The following TET1 variants were observed in gnomAD, a reference collection of about 807,000 sequenced individuals.
TET1 encodes the protein methylcytosine dioxygenase TET1.
TET1 carries 13 observed loss-of-function variants against 148.7 expected under a neutral mutation model. The observed-to-expected ratio is 0.09, with a 90% CI of 0.06 to 0.14. The LOEUF (loss-of-function observed/expected upper bound fraction) is 0.14, where lower values mean the gene tolerates loss of function less well. TET1 is among the 10% of genes least tolerant of loss of function. TET1 has a pLI of 1.00. For synonymous variants in TET1, 907 were observed against 937.2 expected (o/e 0.97, Z 0.59); for missense variants, 2,182 against 2,553.8 (o/e 0.85, Z 3.14).
chr10:68,649,557 G>C (rs1469148926), intron 4 of TET1, among the ~76,000 whole-genome samples: 1 of 140,334 alleles, frequency 7.1e-6, no homozygotes, highest in Non-Finnish European at 1.5e-5. Context: ...AGTGAGCCGA[G>C]ATCACGCCAC....
At chr10:68,689,412 C>T (rs553145123) in intron 11 of TET1, among the ~76,000 whole-genome samples, 57 of 152,162 alleles carry the variant, frequency 3.7e-4, no homozygotes, top group Middle Eastern at 3.4e-3. Flanking sequence ...TTTAGAAGTT[C>T]ACAACAGGGG....
At position 68,674,921 on chromosome 10, in the gene TET1, A is replaced by C. The variant is rs188077246; in HGVS notation, c.4824+1876A>C. ...AAAAGACATAGAAAAAATTCTTGCC[A>C]ATCTATCCTCTCCATGATGTCTTTG... On this transcript the variant is annotated intron_variant, in intron 8 of 11. Coordinates refer to ENST00000373644, the MANE Select transcript of TET1 (RefSeq NM_030625.3). 460 of 387,174 alleles carry C rather than the reference A, an allele frequency of 1.2e-3. 5 individuals carry two copies. Among genetic ancestry groups the C allele is most frequent in the African/African-American group, 9.3e-3 (433 of 46,534 alleles). 24.0% of individuals were successfully genotyped at this position (387,174 alleles called of 1,614,324 possible).
chr10:68,673,264 C>T (rs2055298978), intron 8 of TET1: 1 of 255,900 alleles, frequency 3.9e-6, no homozygotes, highest in Non-Finnish European at 7.2e-6. Flanking sequence ...TCCAATTGTC[C>T]CTGGCTTCCT....
chr10:68,622,333 C>T (rs1327928903), intron 3 of TET1, among the ~76,000 whole-genome samples: 1 of 150,336 alleles, frequency 6.7e-6, no homozygotes, highest in African/African-American at 2.4e-5. Context: ...GGCATGATCT[C>T]GGGTCACTGC....
At position 68,670,327 on chromosome 10, in the gene TET1, T is replaced by G. The variant is rs149318990; in HGVS notation, c.4674-2568T>G. On this transcript the variant is annotated intron_variant, in intron 7 of 11. Transcript: ENST00000373644. ...TTGTTTTCTCAGTTTTTGTCTGTCATGACATTGAAATTTTTGAAGCGAAAA... is the reference window on the plus strand; with the variant it reads ...TTGTTTTCTCAGTTTTTGTCTGTCAGGACATTGAAATTTTTGAAGCGAAAA... Among the ~76,000 whole-genome samples the G allele has an allele frequency of 9.8e-4, 149 of 152,360 alleles. 1 individual carries two copies. Among genetic ancestry groups the G allele is most frequent in the African/African-American group, 3.5e-3 (144 of 41,600 alleles).
At chr10:68,633,348 A>C (rs1185164383) in intron 3 of TET1, among the ~76,000 whole-genome samples, 1 of 149,706 alleles carries the variant, frequency 6.7e-6, no homozygotes. Flanking sequence ...TTTAAAAATT[A>C]ATATGGAAAT....
intron 8 of TET1, among the ~76,000 whole-genome samples, chr10:68,677,904 G>A (rs984749351): frequency 1.3e-5 from 2 of 152,216 alleles, no homozygotes; most frequent in African/African-American, 4.8e-5. Flanking sequence ...ACAGGCATGA[G>A]CCACAATTGC....
At chr10:68,597,029 G>GTTTTTTTTT (rs1446597252) in intron 2 of TET1, among the ~76,000 whole-genome samples, 1 of 90,316 alleles carries the variant, frequency 1.1e-5, no homozygotes, top group African/African-American at 4.6e-5. Flanking sequence ...ACAGCTAATG[G>GTTTTTTTTT]ATTTTTTTTT....
intron 3 of TET1, among the ~76,000 whole-genome samples, chr10:68,611,967 T>G (rs1182848133): frequency 1.3e-5 from 2 of 152,080 alleles, no homozygotes; most frequent in African/African-American, 4.8e-5. Context: ...CCTCTTGGTA[T>G]ATTCACTTGA....
intron 3 of TET1, among the ~76,000 whole-genome samples, chr10:68,627,336 G>A (rs1470337122): frequency 6.6e-6 from 1 of 151,040 alleles, no homozygotes; most frequent in Non-Finnish European, 1.5e-5. Context: ...CTTGAATCCG[G>A]GAGGCAGAGG....
chr10:68,610,824 T>A (rs148875552), intron 3 of TET1, among the ~76,000 whole-genome samples: 1,534 of 152,120 alleles, frequency 0.01, 35 homozygotes, highest in African/African-American at 0.035. Flanking sequence ...CCCGCCTAAT[T>A]TTTATATTTT....
At chr10:68,681,586 T>C in intron 9 of TET1, 98 bp downstream of exon 9, 1 of 709,164 alleles carries the variant, frequency 1.4e-6, no homozygotes. Flanking sequence ...CAAAGCTTAC[T>C]ACAAACTCCT....
intron 1 of TET1, among the ~76,000 whole-genome samples, chr10:68,563,093 A>C (rs1248394044): frequency 6.6e-6 from 1 of 151,746 alleles, no homozygotes; most frequent in Non-Finnish European, 1.5e-5. Context: ...TGTCTTCGGA[A>C]GGACAGTTCT....
chr10:68,563,118 G>T (rs957173695), intron 1 of TET1, among the ~76,000 whole-genome samples: 1 of 151,758 alleles, frequency 6.6e-6, no homozygotes, highest in Non-Finnish European at 1.5e-5. Flanking sequence ...CCATTCTAAC[G>T]TCTCCCTTCC....
chr10:68,582,039 A>G (rs113845764), intron 2 of TET1, among the ~76,000 whole-genome samples: 4,801 of 152,162 alleles, frequency 0.032, 125 homozygotes, highest in African/African-American at 0.075. Flanking sequence ...TTTTGTCTAA[A>G]ATATTAAAGG....
intron 2 of TET1, among the ~76,000 whole-genome samples, chr10:68,576,474 G>A (rs1032619573): frequency 2.6e-5 from 4 of 151,980 alleles, no homozygotes; most frequent in Middle Eastern, 3.2e-3. Context: ...ATCAGCCTGG[G>A]CAACATAGCA....
intron 1 of TET1, among the ~76,000 whole-genome samples, chr10:68,567,452 G>C (rs1266588201): frequency 6.6e-6 from 1 of 151,816 alleles, no homozygotes; most frequent in Admixed American, 6.6e-5. Flanking sequence ...ATACCACCAC[G>C]CCCGGCTAAT....
At chr10:68,664,754 C>G (rs1233213062) in intron 6 of TET1, among the ~76,000 whole-genome samples, 1 of 140,774 alleles carries the variant, frequency 7.1e-6, no homozygotes, top group Non-Finnish European at 1.5e-5. Context: ...CTCAAGTGAT[C>G]CTCCTGCTTG....
chr10:68,626,161 C>A (rs1393483577), intron 3 of TET1, among the ~76,000 whole-genome samples: 1 of 149,634 alleles, frequency 6.7e-6, no homozygotes, highest in Non-Finnish European at 1.5e-5. Context: ...ATACGGTGTC[C>A]TTTTCTGTAT....
Sources: allele counts gnomAD v4.1 joint callset (sites outside exome capture counted in the v4.1 genomes callset), GRCh38; gene constraint gnomAD v4.1.1; transcripts MANE v1.5; gene names NCBI Gene and HGNC (gene_info 2026-07-23, HGNC 2026-07-21).